Variants in MTUS2 observed in about 807,000 individuals in gnomAD.
MTUS2 encodes microtubule-associated tumor suppressor candidate 2.
In MTUS2, 40 loss-of-function variants were observed where a neutral mutation model predicts 114.1. That is an observed-to-expected ratio of 0.35 (90% CI 0.27 to 0.46). The LOEUF is 0.46. MTUS2 is among the 20% of genes least tolerant of loss of function. The pLI, the probability that MTUS2 is intolerant of heterozygous loss-of-function variation, is 1.00. For synonymous variants in MTUS2, 688 were observed against 672.0 expected, an observed-to-expected ratio of 1.02 and a Z score of -0.37; for missense variants, 1,679 against 1,705.4, an observed-to-expected ratio of 0.98 and a Z score of 0.27.
At chr13:28,942,345 T>C (rs992294386) in intron 2 of MTUS2, among the ~76,000 whole-genome samples, 2 of 152,122 alleles carry the variant, frequency 1.3e-5, no homozygotes, top group African/African-American at 4.8e-5. Context: ...ATATTGACAA[T>C]ATTGGAGAAT....
chr13:29,479,654 A>T (rs2138890330), intron 9 of MTUS2, among the ~76,000 whole-genome samples: 1 of 152,290 alleles, frequency 6.6e-6, no homozygotes, highest in African/African-American at 2.4e-5. Context: ...CCCTATTCCT[A>T]TCTCCAGCTT....
At chr13:29,166,756 T>C (rs1463103827) in intron 5 of MTUS2, among the ~76,000 whole-genome samples, 2 of 152,254 alleles carry the variant, frequency 1.3e-5, no homozygotes, top group African/African-American at 4.8e-5. Context: ...ATTTAAATAC[T>C]TGCCAGGTCA....
intron 4 of MTUS2, among the ~76,000 whole-genome samples, chr13:29,053,899 A>C (rs1210113093): frequency 6.6e-6 from 1 of 152,194 alleles, no homozygotes; most frequent in Non-Finnish European, 1.5e-5. Context: ...TTCTGAGGGC[A>C]TATGGTTTCA....
At chr13:28,994,900 G>C (rs997771836) in intron 2 of MTUS2, among the ~76,000 whole-genome samples, 1 of 152,106 alleles carries the variant, frequency 6.6e-6, no homozygotes, top group African/African-American at 2.4e-5. Flanking sequence ...AAGCTCTTTA[G>C]TTTAATTAGA....
chr13:29,100,149 A>C (rs1347139620), intron 4 of MTUS2, among the ~76,000 whole-genome samples: 1 of 152,148 alleles, frequency 6.6e-6, no homozygotes, highest in Non-Finnish European at 1.5e-5. Flanking sequence ...TCTTCACATG[A>C]AAGGAAACTG....
chr13:28,918,505 C>T (rs1452856537), intron 2 of MTUS2, among the ~76,000 whole-genome samples: 1 of 151,780 alleles, frequency 6.6e-6, no homozygotes, highest in Non-Finnish European at 1.5e-5. Context: ...TTTCTGTGGA[C>T]ATGGGATATT....
At chr13:29,391,366 C>T (rs969707811) in intron 8 of MTUS2, among the ~76,000 whole-genome samples, 3 of 152,198 alleles carry the variant, frequency 2.0e-5, no homozygotes, top group Non-Finnish European at 4.4e-5. Context: ...GGGCTTCAGG[C>T]TCAGTGGACC....
At chr13:29,307,391 A>G (rs902542967) in intron 6 of MTUS2, 73 of 952,190 alleles carry the variant, frequency 7.7e-5, no homozygotes, top group Admixed American at 1.8e-4. Context: ...GCTCTCCAGA[A>G]CATCATCCCT....
intron 2 of MTUS2, among the ~76,000 whole-genome samples, chr13:28,956,702 G>T (rs1393439453): frequency 6.6e-6 from 1 of 152,228 alleles, no homozygotes; most frequent in Non-Finnish European, 1.5e-5. Context: ...GATAGAGGGA[G>T]TGAGGGAGCA....
At chr13:29,124,843 A>T (rs1891450972) in intron 5 of MTUS2, among the ~76,000 whole-genome samples, 1 of 152,234 alleles carries the variant, frequency 6.6e-6, no homozygotes, top group Non-Finnish European at 1.5e-5. Context: ...AAGGACAAAT[A>T]AATACTGCAT....
chr13:28,960,459 A>C (rs1182088757), intron 2 of MTUS2, among the ~76,000 whole-genome samples: 1 of 152,242 alleles, frequency 6.6e-6, no homozygotes, highest in Non-Finnish European at 1.5e-5. Context: ...ATAACATTCA[A>C]AAGTAGAAAC....
intron 7 of MTUS2, among the ~76,000 whole-genome samples, chr13:29,355,120 A>G (rs1041694482): frequency 6.6e-6 from 1 of 152,198 alleles, no homozygotes; most frequent in Non-Finnish European, 1.5e-5. Flanking sequence ...TTTTTCATCC[A>G]TTACAATCCT....
chr13:29,256,043 G>T (rs563665088), intron 5 of MTUS2, among the ~76,000 whole-genome samples: 1 of 152,308 alleles, frequency 6.6e-6, no homozygotes, highest in East Asian at 1.9e-4. Context: ...AGTTTGACAG[G>T]CATCCGTACT....
At chr13:29,501,307 G>A (rs895867951) in intron 15 of MTUS2, 113 bp downstream of exon 15, 1 of 788,336 alleles carries the variant, frequency 1.3e-6, no homozygotes, top group Non-Finnish European at 2.1e-6. Context: ...GTCTCTTGCT[G>A]TTTTCCCCAA....
At chr13:28,949,628 C>T (rs1439744843) in intron 2 of MTUS2, among the ~76,000 whole-genome samples, 1 of 152,120 alleles carries the variant, frequency 6.6e-6, no homozygotes. Flanking sequence ...ATTTTCCTCC[C>T]AGCCCCTGGC....
At chr13:29,307,159 A>G in intron 6 of MTUS2, 1 of 490,938 alleles carries the variant, frequency 2.0e-6, no homozygotes, top group Non-Finnish European at 3.8e-6. Flanking sequence ...CTCTGCCAAC[A>G]CCCTGATGTT....
At chr13:29,473,427 A>G (rs78416006) in intron 9 of MTUS2, among the ~76,000 whole-genome samples, 5,378 of 152,164 alleles carry the variant, frequency 0.035, 314 homozygotes, top group African/African-American at 0.12. Context: ...GTGTTCTCCT[A>G]CTCAATTTAT....
At chr13:29,330,067 G>T (rs1464651290) in intron 7 of MTUS2, among the ~76,000 whole-genome samples, 1 of 152,132 alleles carries the variant, frequency 6.6e-6, no homozygotes, top group Non-Finnish European at 1.5e-5. Flanking sequence ...CCCACCAACA[G>T]TATAAAAGCG....
intron 5 of MTUS2, among the ~76,000 whole-genome samples, chr13:29,173,125 A>G (rs1173177907): frequency 6.6e-6 from 1 of 152,054 alleles, no homozygotes; most frequent in Non-Finnish European, 1.5e-5. Flanking sequence ...TTCTATAATA[A>G]CTTATTTTTC....
Sources: gnomAD v4.1 joint callset for allele counts (sites outside exome capture counted in the v4.1 genomes callset) on GRCh38, gnomAD v4.1.1 for gene constraint, MANE v1.5 for transcripts, NCBI Gene and HGNC (gene_info 2026-07-23, HGNC 2026-07-21) for gene names.